The following ATP8A2 variants were observed in gnomAD, a reference collection of about 807,000 sequenced individuals.
ATP8A2 encodes the protein ATPase phospholipid transporting 8A2.
Under a neutral mutation model 165.6 loss-of-function variants are expected in ATP8A2, and 100 were observed. That is an observed-to-expected ratio of 0.60 (90% confidence interval 0.51 to 0.71). ATP8A2 has a LOEUF of 0.71. Ranked by LOEUF, ATP8A2 falls within the 30% of genes least tolerant of loss-of-function variation. The pLI is 0.00. For missense variants in ATP8A2, 1,227 were observed against 1,479.5 expected (o/e 0.83, Z 2.80); for synonymous variants, 543 against 548.8 (o/e 0.99, Z 0.15).
intron 35 of ATP8A2, among the ~76,000 whole-genome samples, chr13:25,971,511 C>A (rs61947423): frequency 0.11 from 16,176 of 151,990 alleles, 1,106 homozygotes; most frequent in Middle Eastern, 0.16. Flanking sequence ...CTCATCTGAT[C>A]TTTCAGCTGA....
At chr13:25,446,628 G>A (rs1016759926) in intron 1 of ATP8A2, among the ~76,000 whole-genome samples, 6 of 152,110 alleles carry the variant, frequency 3.9e-5, no homozygotes, top group Admixed American at 3.3e-4. Flanking sequence ...TGAGACTGCG[G>A]TACTGAATCA....
chr13:25,400,342 T>G (rs1342572451), intron 1 of ATP8A2, among the ~76,000 whole-genome samples: 1 of 152,234 alleles, frequency 6.6e-6, no homozygotes, highest in Non-Finnish European at 1.5e-5. Flanking sequence ...GAACATTTAC[T>G]GAAATAAATT....
rs774243084 is a variant in ATP8A2, at chr13:25,553,856, T to C, written c.1121T>C (p.Ile374Thr). 4 of 1,613,344 alleles carry C rather than the reference T, an allele frequency of 2.5e-6. No homozygotes were observed. The highest frequency in any genetic ancestry group is 3.4e-6 in the Non-Finnish European group (4 of 1,179,242). Residue 374 changes from isoleucine to threonine, a missense_variant, in exon 12 of 37, where the codon ATT (isoleucine) becomes ACT (threonine). Around this residue, in one of 5 missense-constraint regions of ATP8A2, gnomAD observed 592 missense variants for 785.6 expected, o/e 0.75. Coordinates refer to ENST00000381655, the MANE Select transcript of ATP8A2 (RefSeq NM_016529.6). ...LTFIILYNNLIPISLLVTLEV... is the reference protein window; with the variant it reads ...LTFIILYNNLTPISLLVTLEV... ...TTCATCATCTTATACAACAATCTTA[T>C]TCCCATCAGTCTGTTGGTGACTCTT...
chr13:25,760,855 A>T (rs920156540), intron 25 of ATP8A2, among the ~76,000 whole-genome samples: 2 of 152,232 alleles, frequency 1.3e-5, no homozygotes, highest in African/African-American at 4.8e-5. Context: ...ATATGGAAAC[A>T]TTTAACCTTA....
intron 25 of ATP8A2, among the ~76,000 whole-genome samples, chr13:25,718,534 A>G (rs1177184188): frequency 6.6e-6 from 1 of 152,036 alleles, no homozygotes; most frequent in Non-Finnish European, 1.5e-5. Flanking sequence ...CTGCCATTCT[A>G]TTGTGTCTAG....
chr13:25,927,245 A>C (rs1446189264), intron 33 of ATP8A2: 1 of 456,556 alleles, frequency 2.2e-6, no homozygotes, highest in East Asian at 6.9e-5. Context: ...ACTGCATCTG[A>C]CAGAAAGATT....
chr13:25,684,385 T>C (rs920055290), intron 24 of ATP8A2, among the ~76,000 whole-genome samples: 13 of 152,248 alleles, frequency 8.5e-5, no homozygotes, highest in South Asian at 4.1e-4. Context: ...ATTTTTTCAA[T>C]TGGAAGTGTT....
chr13:25,372,324 CCGGGGCGGGGG>C lies in ATP8A2; in HGVS notation c.76+40_76+50del. The C allele has an allele frequency of 7.4e-7, 1 of 1,344,318 alleles. No individual in the cohort carries two copies. Among genetic ancestry groups the C allele is most frequent in the Non-Finnish European group, 9.9e-7 (1 of 1,005,816 alleles). The allele number at this position is 1,344,318 out of a possible 1,614,324, so 83.3% of individuals were successfully genotyped here. On this transcript the variant is annotated intron_variant, in intron 1 of 36. Transcript: ENST00000381655. This position sits in a 1 kb window ranked among gnomAD's most constrained non-coding sequence, Gnocchi z 4.8. Reference sequence around the variant, plus strand: ...AGGGGCGCGGCGAGGGAGGGTGGGCCCGGGGCGGGGGCGGCGCGGGGCGCGCCTGCGGTTAT... The same window carrying C: ...AGGGGCGCGGCGAGGGAGGGTGGGCCCGGCGCGGGGCGCGCCTGCGGTTAT...
At chr13:25,642,348 T>C (rs1042421693) in intron 24 of ATP8A2, among the ~76,000 whole-genome samples, 1 of 151,918 alleles carries the variant, frequency 6.6e-6, no homozygotes, top group African/African-American at 2.4e-5. Context: ...TGCAATCTAC[T>C]CATCTGACAA....
At chr13:25,681,078 A>C (rs539293567) in intron 24 of ATP8A2, among the ~76,000 whole-genome samples, 2 of 152,334 alleles carry the variant, frequency 1.3e-5, no homozygotes, top group East Asian at 3.9e-4. Flanking sequence ...TCCTCTAGGA[A>C]AAATAGAAAT....
At chr13:25,425,064 G>A (rs2034406436) in intron 1 of ATP8A2, among the ~76,000 whole-genome samples, 1 of 152,104 alleles carries the variant, frequency 6.6e-6, no homozygotes, top group African/African-American at 2.4e-5. Flanking sequence ...GATTCATTTT[G>A]TTTTCTAGCT....
chr13:25,490,060 C>T (rs1288820803), intron 2 of ATP8A2, among the ~76,000 whole-genome samples: 4 of 152,138 alleles, frequency 2.6e-5, no homozygotes, highest in South Asian at 2.1e-4. Flanking sequence ...GGTGGAATAT[C>T]GAGGGCTCTG....
At chr13:25,823,175 C>T (rs964788586) in intron 27 of ATP8A2, among the ~76,000 whole-genome samples, 8 of 152,146 alleles carry the variant, frequency 5.3e-5, no homozygotes, top group Non-Finnish European at 8.8e-5. Flanking sequence ...TAAATCCAAG[C>T]TAAGAATTTG....
chr13:25,762,473 G>A (rs2044402627), intron 25 of ATP8A2, among the ~76,000 whole-genome samples: 1 of 152,106 alleles, frequency 6.6e-6, no homozygotes, highest in Admixed American at 6.6e-5. Flanking sequence ...GAGGTGGCCA[G>A]TCATTTATGT....
intron 33 of ATP8A2, among the ~76,000 whole-genome samples, chr13:25,912,378 T>A (rs889987827): frequency 6.6e-6 from 1 of 152,072 alleles, no homozygotes; most frequent in Non-Finnish European, 1.5e-5. Context: ...ATGGAGGTTA[T>A]CAGAGGCTGG....
At chr13:25,451,475 G>T (rs2035223067) in intron 1 of ATP8A2, among the ~76,000 whole-genome samples, 1 of 152,128 alleles carries the variant, frequency 6.6e-6, no homozygotes, top group Admixed American at 6.5e-5. Context: ...TTTTCCTGTT[G>T]TCTAGTTGTT....
chr13:25,688,204 C>G (rs2042645430), intron 24 of ATP8A2, among the ~76,000 whole-genome samples: 1 of 152,094 alleles, frequency 6.6e-6, no homozygotes, highest in African/African-American at 2.4e-5. Context: ...GCCTTTCCTG[C>G]CTAAGAGTTA....
At chr13:25,968,123 G>A (rs140779112) in intron 34 of ATP8A2, among the ~76,000 whole-genome samples, 18 of 152,348 alleles carry the variant, frequency 1.2e-4, no homozygotes, top group African/African-American at 4.3e-4. Context: ...GCTAAAGAGG[G>A]AGGGAGGAAA....
At chr13:25,804,604 T>C (rs1337785062) in intron 27 of ATP8A2, among the ~76,000 whole-genome samples, 13 of 152,186 alleles carry the variant, frequency 8.5e-5, no homozygotes, top group Non-Finnish European at 2.9e-5. Flanking sequence ...AAACACATTC[T>C]AAATATAGAA....
Sources: gnomAD v4.1 joint callset for allele counts (sites outside exome capture counted in the v4.1 genomes callset) on GRCh38, gnomAD v4.1.1 for gene constraint, gnomAD v4.1.1 regional missense constraint, Gnocchi (gnomAD v3.1) non-coding constraint, MANE v1.5 for transcripts, NCBI Gene and HGNC (gene_info 2026-07-23, HGNC 2026-07-21) for gene names.